Variants in SMARCC1 observed in about 807,000 individuals in gnomAD.
SMARCC1 encodes SWI/SNF complex subunit SMARCC1.
Under a neutral mutation model 147.4 loss-of-function variants are expected in SMARCC1, and 43 were observed. The ratio of observed to expected loss-of-function variants is 0.29; its 90% CI spans 0.23 to 0.38. SMARCC1 has a LOEUF of 0.38. Among genes scored for constraint, SMARCC1 ranks in the 10% least tolerant of loss-of-function variants. The probability of loss-of-function intolerance (pLI) is 1.00; values close to 1 mark genes in which losing one functional copy is unlikely to be tolerated. For synonymous variants in SMARCC1, 495 were observed against 484.4 expected (o/e 1.02, Z -0.29); for missense variants, 1,119 against 1,381.1 (o/e 0.81, Z 3.01).
chr3:47,680,178 T>C (rs1161510443), intron 15 of SMARCC1: 1 of 340,930 alleles, frequency 2.9e-6, no homozygotes, highest in Non-Finnish European at 5.3e-6. Flanking sequence ...GCCAAGATCA[T>C]GACACTGCAC....
chr3:47,626,043 A>G (rs2032804241), intron 24 of SMARCC1, among the ~76,000 whole-genome samples: 1 of 152,206 alleles, frequency 6.6e-6, no homozygotes, highest in African/African-American at 2.4e-5. Context: ...AGTCCCAGCT[A>G]CTCAGGAGGC....
rs764027032 is a variant in SMARCC1 at position 47,590,807 on chromosome 3, G to C, written c.3074C>G (p.Pro1025Arg). The C allele has an allele frequency of 6.2e-7, 1 of 1,601,738 alleles. No homozygotes were observed. ...GQIPGPGSMM[P>R]GQHMPGRMIP... Reference sequence around the variant, plus strand: ...CATGCGGCCTGGCATGTGCTGCCCGGGCATCATGGAACCTGGGCCTGGTAT... The same window carrying C: ...CATGCGGCCTGGCATGTGCTGCCCGCGCATCATGGAACCTGGGCCTGGTAT... Residue 1025 changes from proline to arginine, a missense_variant, in exon 27 of 28, where the codon CCC becomes CGC. Pro to Arg is a moderately radical substitution (Grantham distance 103). This residue lies in a region of SMARCC1 where 186 missense variants were observed against 216.5 expected (regional missense o/e 0.86). Transcript: ENST00000254480.
intron 21 of SMARCC1, among the ~76,000 whole-genome samples, chr3:47,660,155 G>A (rs116123773): frequency 0.01 from 1,574 of 152,094 alleles, 23 homozygotes; most frequent in African/African-American, 0.036. Flanking sequence ...GTATAAAAGT[G>A]GAAACAATAG....
intron 26 of SMARCC1, among the ~76,000 whole-genome samples, chr3:47,609,322 C>T (rs967717326): frequency 1.3e-5 from 2 of 152,000 alleles, no homozygotes; most frequent in African/African-American, 4.8e-5. Context: ...CGGTGAAACC[C>T]CGTCTCTACT....
intron 26 of SMARCC1, chr3:47,601,602 T>G (rs2032387203): frequency 6.6e-6 from 1 of 151,160 alleles, no homozygotes; most frequent in Non-Finnish European, 1.5e-5. Context: ...CTCCGGAAAG[T>G]AGCATGGCTA....
intron 26 of SMARCC1, among the ~76,000 whole-genome samples, chr3:47,593,945 A>C (rs1195945994): frequency 1.3e-5 from 2 of 152,128 alleles, no homozygotes; most frequent in Non-Finnish European, 2.9e-5. Flanking sequence ...TGGGTGGATC[A>C]CCTGAGGTCA....
chr3:47,625,319 A>C (rs2032792973), intron 24 of SMARCC1, among the ~76,000 whole-genome samples: 1 of 152,000 alleles, frequency 6.6e-6, no homozygotes, highest in African/African-American at 2.4e-5. Flanking sequence ...TATTTTTACA[A>C]TTTTAAAAAA....
At chr3:47,598,303 G>A (rs945453209) in intron 26 of SMARCC1, among the ~76,000 whole-genome samples, 1 of 152,104 alleles carries the variant, frequency 6.6e-6, no homozygotes, top group Non-Finnish European at 1.5e-5. Flanking sequence ...CAATATTCTA[G>A]CCTGCAGACG....
chr3:47,761,041 G>GATCTC (rs1262693674), intron 2 of SMARCC1, among the ~76,000 whole-genome samples: 18 of 152,072 alleles, frequency 1.2e-4, no homozygotes, highest in Non-Finnish European at 2.2e-4. Context: ...GCTAAGACAG[G>GATCTC]AGAATGGCTT....
chr3:47,667,266 C>A (rs530908788), intron 19 of SMARCC1, among the ~76,000 whole-genome samples: 1 of 149,362 alleles, frequency 6.7e-6, no homozygotes, highest in African/African-American at 2.5e-5. Flanking sequence ...TGCAGTGAGC[C>A]GAGATCACGC....
intron 11 of SMARCC1, among the ~76,000 whole-genome samples, chr3:47,695,859 G>T: frequency 1.4e-5 from 2 of 138,774 alleles, no homozygotes; most frequent in Admixed American, 7.6e-5. Context: ...CTGAGGTCAG[G>T]AGTTCAAGAC....
intron 3 of SMARCC1, among the ~76,000 whole-genome samples, chr3:47,741,738 A>T (rs2034512492): frequency 6.6e-6 from 1 of 151,448 alleles, no homozygotes; most frequent in Admixed American, 6.6e-5. Context: ...CAGGATATCT[A>T]TTTATTTTAC....
At chr3:47,627,370 C>A (rs943318777) in intron 24 of SMARCC1, among the ~76,000 whole-genome samples, 1 of 151,868 alleles carries the variant, frequency 6.6e-6, no homozygotes, top group Non-Finnish European at 1.5e-5. Context: ...ATGGCTGGGG[C>A]ATTTCCAGGC....
At position 47,638,788 on chromosome 3, in the gene SMARCC1, T is replaced by G; in HGVS notation, c.2321-8A>C. Reference sequence around the variant, plus strand: ...TTTCCTCTTCAGCTCCTTCTACAAGTAAAAGAATAAGAACAAGTACTCCAA... The same window carrying G: ...TTTCCTCTTCAGCTCCTTCTACAAGGAAAAGAATAAGAACAAGTACTCCAA... On this transcript the variant is annotated splice_region_variant and splice_polypyrimidine_tract_variant and intron_variant, in intron 21 of 27. Coordinates refer to ENST00000254480, the MANE Select transcript of SMARCC1 (RefSeq NM_003074.4). 6.2e-7 allele frequency: 1 copy of G among 1,604,014 alleles called. No homozygotes were observed.
chr3:47,597,321 AATTT>A (rs1029436036), intron 26 of SMARCC1, among the ~76,000 whole-genome samples: 5 of 151,836 alleles, frequency 3.3e-5, no homozygotes, highest in Non-Finnish European at 5.9e-5. Flanking sequence ...CACGTCAGCT[AATTT>A]ATTTATTTAT....
At chr3:47,680,829 G>C (rs2033635890) in intron 14 of SMARCC1, among the ~76,000 whole-genome samples, 1 of 151,994 alleles carries the variant, frequency 6.6e-6, no homozygotes, top group Non-Finnish European at 1.5e-5. Flanking sequence ...TTACAGGCGT[G>C]AGCCACCGCG....
intron 12 of SMARCC1, among the ~76,000 whole-genome samples, chr3:47,690,484 C>T (rs149339965): frequency 6.6e-6 from 1 of 152,200 alleles, no homozygotes; most frequent in African/African-American, 2.4e-5. Flanking sequence ...AATCAAAGGG[C>T]CTCCAGTTGG....
intron 21 of SMARCC1, among the ~76,000 whole-genome samples, chr3:47,646,976 CTG>C (rs1213942549): frequency 6.6e-6 from 1 of 152,292 alleles, no homozygotes; most frequent in African/African-American, 2.4e-5. Context: ...GCAAAACTAA[CTG>C]TGTTTCTTCT....
intron 24 of SMARCC1, among the ~76,000 whole-genome samples, chr3:47,630,707 A>G (rs548053595): frequency 6.6e-6 from 1 of 152,182 alleles, no homozygotes; most frequent in South Asian, 2.1e-4. Flanking sequence ...ATCAATTTCA[A>G]TCAACCCCTG....
Sources: gnomAD v4.1 joint callset for allele counts (sites outside exome capture counted in the v4.1 genomes callset) on GRCh38, gnomAD v4.1.1 for gene constraint, gnomAD v4.1.1 regional missense constraint, MANE v1.5 for transcripts, NCBI Gene and HGNC (gene_info 2026-07-23, HGNC 2026-07-21) for gene names.